The following GBF1 variants were observed in gnomAD, a reference collection of about 807,000 sequenced individuals.
GBF1 encodes Golgi-specific brefeldin A-resistance guanine nucleotide exchange factor 1.
GBF1 carries 114 observed loss-of-function variants against 210.5 expected under a neutral mutation model. The observed-to-expected ratio is 0.54, with a 90% CI of 0.47 to 0.63. The LOEUF (loss-of-function observed/expected upper bound fraction) is 0.63, where lower values mean the gene tolerates loss of function less well. GBF1 is among the 30% of genes least tolerant of loss of function. GBF1 has a pLI of 0.00. For synonymous variants in GBF1, 850 were observed against 889.2 expected (o/e 0.96, Z 0.78); for missense variants, 1,851 against 2,357.7 (o/e 0.79, Z 4.45).
At chr10:102,343,233 T>C (rs999925040) in intron 3 of GBF1, among the ~76,000 whole-genome samples, 3 of 151,926 alleles carry the variant, frequency 2.0e-5, no homozygotes, top group African/African-American at 7.3e-5. Flanking sequence ...AACCTCAGAG[T>C]TTCCTCTCAC....
upstream of GBF1, among the ~76,000 whole-genome samples, chr10:102,244,284 G>T (rs2070646805): frequency 6.6e-6 from 1 of 152,226 alleles, no homozygotes; most frequent in South Asian, 2.1e-4. Context: ...ATAATTGGGA[G>T]GATGTATGGA....
chr10:102,232,021 G>C, the GBF1 span: 1 of 1,608,876 alleles, frequency 6.2e-7, no homozygotes, highest in African/African-American at 1.3e-5. Flanking sequence ...GAGTGCCAGC[G>C]TCTGACAGCG....
chr10:102,313,227 G>A (rs2078636499), intron 3 of GBF1, among the ~76,000 whole-genome samples: 1 of 152,198 alleles, frequency 6.6e-6, no homozygotes, highest in African/African-American at 2.4e-5. Context: ...CCAGCTTTAG[G>A]CGAGTGGCAC....
rs2076110538 is a variant in GBF1, at chr10:102,288,094, C to G, written c.163+27978C>G. Among the ~76,000 whole-genome samples, 4 of 152,246 alleles carry G rather than the reference C, an allele frequency of 2.6e-5. No homozygotes were observed. The South Asian group carries it at 6.2e-4, about 24-fold the overall frequency. On this transcript the variant is annotated intron_variant, in intron 3 of 39. Transcript: ENST00000369983. ...AGCCATAAGCGCTAGTAAAAACTTT[C>G]CGTTTTTCTAAAGCAAGCCAGTAAG... is the stretch of plus-strand genomic sequence containing the variant.
At chr10:102,381,971 C>T (rs560028378) in intron 39 of GBF1, 85 bp from the exon 40 acceptor site, 6 of 1,213,906 alleles carry the variant, frequency 4.9e-6, no homozygotes, top group Non-Finnish European at 5.7e-6. Flanking sequence ...GGAACAGAGA[C>T]TCTATAAGCA....
chr10:102,380,695 C>T lies in GBF1; in HGVS notation c.5173+9C>T, dbSNP rs769579414. 17 of 1,594,406 alleles carry T rather than the reference C, an allele frequency of 1.1e-5. No individual in the cohort carries two copies. The highest frequency in any genetic ancestry group is 2.6e-6 in the Non-Finnish European group (3 of 1,168,404). ...GCAGACCGTCATCCAGGGTAGGGGG[C>T]TCAGCCCAGCTTTATCAAAAAGAGT... On this transcript the variant is annotated intron_variant, in intron 38 of 39. Coordinates refer to ENST00000369983, the MANE Select transcript of GBF1 (RefSeq NM_001377137.1).
In GBF1 at chr10:102,366,849, G is replaced by A. The variant is rs2059941063; in HGVS notation, c.2434-236G>A. ...GATCCGCCCACCTCGGCCTCCCTGA[G>A]TGCTGGGATTACAAGCGTGAACCAC... On this transcript the variant is annotated intron_variant, in intron 19 of 39. Transcript: ENST00000369983. This position sits in a 1 kb window ranked among gnomAD's most constrained non-coding sequence, Gnocchi z 4.0. Among the ~76,000 whole-genome samples, 1 of 152,096 alleles carries A rather than the reference G, an allele frequency of 6.6e-6. No individual in the cohort carries two copies. Among genetic ancestry groups the A allele is most frequent in the Non-Finnish European group, 1.5e-5 (1 of 68,028 alleles).
At chr10:102,362,800 A>AG in intron 15 of GBF1, 136 bp downstream of exon 15, 1 of 651,630 alleles carries the variant, frequency 1.5e-6, no homozygotes, top group Admixed American at 2.9e-5. Context: ...TGGCAGTTTA[A>AG]ATCACAGGCC....
At chr10:102,325,638 C>T (rs1348615447) in intron 3 of GBF1, among the ~76,000 whole-genome samples, 1 of 151,296 alleles carries the variant, frequency 6.6e-6, no homozygotes, top group Non-Finnish European at 1.5e-5. Flanking sequence ...TATGAACTTA[C>T]AAAAGTTTTT....
chr10:102,356,946 GCAAGGAGT>G (rs1280441273), intron 8 of GBF1, among the ~76,000 whole-genome samples: 1 of 152,110 alleles, frequency 6.6e-6, no homozygotes, highest in Non-Finnish European at 1.5e-5. Flanking sequence ...GTGCAACAGA[GCAAGGAGT>G]CAAGGAATCA....
intron 36 of GBF1, 108 bp downstream of exon 36, chr10:102,380,062 A>G (rs2060747272): frequency 1.3e-6 from 1 of 789,922 alleles, no homozygotes; most frequent in Non-Finnish European, 2.2e-6. Flanking sequence ...GGTGCTCACA[A>G]CCCCCCAGCT....
At chr10:102,234,950 C>T in the GBF1 span, among the ~76,000 whole-genome samples, 153 of 152,294 alleles carry the variant, frequency 1.0e-3, no homozygotes, top group African/African-American at 3.1e-3. Context: ...GTTCAGGCTG[C>T]GTGTTCCCAG....
intron 3 of GBF1, among the ~76,000 whole-genome samples, chr10:102,338,237 C>CTTTTTTTT (rs398046214): frequency 6.7e-4 from 77 of 114,164 alleles, no homozygotes; most frequent in African/African-American, 2.3e-3. Flanking sequence ...CAACCTTCTT[C>CTTTTTTTT]TTTTTTTTTT....
At chr10:102,356,766 CAAAAAA>C (rs761159635) in intron 8 of GBF1, among the ~76,000 whole-genome samples, 1 of 84,588 alleles carries the variant, frequency 1.2e-5, no homozygotes, top group Non-Finnish European at 2.3e-5. Flanking sequence ...GACTCTGTCT[CAAAAAA>C]AAAAAAAAAA....
intron 4 of GBF1, among the ~76,000 whole-genome samples, chr10:102,349,883 C>T (rs1367011327): frequency 6.6e-6 from 1 of 152,104 alleles, no homozygotes; most frequent in East Asian, 1.9e-4. Context: ...GTTGTCTGAC[C>T]TCTAGCTTCT....
intron 3 of GBF1, among the ~76,000 whole-genome samples, chr10:102,311,041 C>T (rs1360951142): frequency 1.3e-5 from 2 of 152,188 alleles, no homozygotes; most frequent in Non-Finnish European, 2.9e-5. Flanking sequence ...ACAGAAGTCC[C>T]CTTCCCATAC....
chr10:102,244,631 G>A (rs759634860), upstream of GBF1, among the ~76,000 whole-genome samples: 72 of 152,208 alleles, frequency 4.7e-4, no homozygotes, highest in Non-Finnish European at 8.2e-4. Flanking sequence ...GCTAAGCTGC[G>A]TATTTAGCCT....
At chr10:102,353,074 A>G (rs1035216596) in intron 7 of GBF1, among the ~76,000 whole-genome samples, 2 of 152,134 alleles carry the variant, frequency 1.3e-5, no homozygotes, top group Non-Finnish European at 2.9e-5. Flanking sequence ...AGCTGAGGCA[A>G]TGGCTTTAAA....
At position 102,382,430 on chromosome 10, in the gene GBF1, A is replaced by G; in HGVS notation, c.*94A>G. The G allele has an allele frequency of 9.0e-7, 1 of 1,112,392 alleles. No homozygotes were observed. Among genetic ancestry groups the G allele is most frequent in the Non-Finnish European group, 1.3e-6 (1 of 779,974 alleles). 68.9% of individuals were successfully genotyped at this position (1,112,392 alleles called of 1,614,324 possible). ...CTGCGGGCCACAAGCTCTTCAGGCC[A>G]AGTCAGAGCTGCTGTTGCTGCCACT... On this transcript the variant is annotated 3_prime_UTR_variant, in exon 40 of 40. Coordinates refer to ENST00000369983, the MANE Select transcript of GBF1 (RefSeq NM_001377137.1).
Sources: gnomAD v4.1 joint callset for allele counts (sites outside exome capture counted in the v4.1 genomes callset) on GRCh38, gnomAD v4.1.1 for gene constraint, Gnocchi (gnomAD v3.1) non-coding constraint, MANE v1.5 for transcripts, NCBI Gene and HGNC (gene_info 2026-07-23, HGNC 2026-07-21) for gene names.